INPP4B: variants seen among roughly 807,000 people sequenced by gnomAD.
INPP4B encodes the protein inositol polyphosphate-4-phosphatase type II B, also known as inositol polyphosphate 4-phosphatase type II.
INPP4B carries 55 observed loss-of-function variants against 122.5 expected under a neutral mutation model. The ratio of observed to expected loss-of-function variants is 0.45; its 90% CI spans 0.36 to 0.56. The LOEUF (loss-of-function observed/expected upper bound fraction) is 0.56. Among genes scored for constraint, INPP4B ranks in the 20% least tolerant of loss-of-function variants. The pLI, the probability that INPP4B is intolerant of heterozygous loss-of-function variation, is 0.00. For synonymous variants in INPP4B, 403 were observed against 388.7 expected (o/e 1.04, Z -0.43); for missense variants, 1,000 against 1,097.7 (o/e 0.91, Z 1.26).
rs558922276 is a variant in INPP4B, at chr4:142,814,734, AT to A, written c.-254+31474del. ...TTATAACCCAAAGCATAAAATAAAT[AT>A]CCATGAGTCCATAGTGATATAAATA... On this transcript the variant is annotated intron_variant, in intron 1 of 25. Coordinates refer to ENST00000262992, the MANE Select transcript of INPP4B (RefSeq NM_001101669.3). 2.0e-5 allele frequency among the ~76,000 whole-genome samples: 3 copies of A among 152,308 alleles called. No individual in the cohort carries two copies. The East Asian group carries it at 5.8e-4, about 29-fold the overall frequency.
chr4:142,504,345 C>A (rs1019658386), intron 2 of INPP4B, among the ~76,000 whole-genome samples: 2 of 151,882 alleles, frequency 1.3e-5, no homozygotes, highest in Non-Finnish European at 2.9e-5. Context: ...TAAAAAAGCT[C>A]TAACACCAAA....
intron 3 of INPP4B, among the ~76,000 whole-genome samples, chr4:142,441,071 T>C (rs1417316654): frequency 6.6e-6 from 1 of 152,002 alleles, no homozygotes; most frequent in African/African-American, 2.4e-5. Context: ...CTAGAGAGAA[T>C]AAGCTTAATT....
chr4:142,169,148 T>A (rs2152934439), intron 16 of INPP4B, among the ~76,000 whole-genome samples: 1 of 151,768 alleles, frequency 6.6e-6, no homozygotes, highest in Admixed American at 6.6e-5. Context: ...TTTTTCTTAT[T>A]GTACAATTTT....
chr4:142,545,735 A>ATG (rs1491415711), intron 2 of INPP4B, among the ~76,000 whole-genome samples: 5,348 of 80,046 alleles, frequency 0.067, 284 homozygotes, highest in Non-Finnish European at 0.076. Flanking sequence ...GTATATACAC[A>ATG]TATATGTGTA....
At chr4:142,039,314 A>G (rs1244002415) in intron 25 of INPP4B, among the ~76,000 whole-genome samples, 6 of 152,220 alleles carry the variant, frequency 3.9e-5, no homozygotes, top group African/African-American at 1.2e-4. Flanking sequence ...TTCAACTTCA[A>G]TATTGAAAAT....
chr4:142,340,550 G>A (rs1778355883), intron 7 of INPP4B, among the ~76,000 whole-genome samples: 1 of 152,082 alleles, frequency 6.6e-6, no homozygotes, highest in South Asian at 2.1e-4. Flanking sequence ...CAGGACTATA[G>A]ATGTGTGCCA....
chr4:142,410,876 A>G (rs1414932404), intron 5 of INPP4B, among the ~76,000 whole-genome samples: 2 of 152,242 alleles, frequency 1.3e-5, no homozygotes, highest in South Asian at 2.1e-4. Flanking sequence ...ATATTTTTAT[A>G]CTAATCATAT....
intron 7 of INPP4B, among the ~76,000 whole-genome samples, chr4:142,352,456 G>C (rs551361716): frequency 6.6e-6 from 1 of 151,672 alleles, no homozygotes; most frequent in South Asian, 2.1e-4. Context: ...TCTGTATGAT[G>C]TGAAAATGAT....
At position 142,628,706 on chromosome 4, in the gene INPP4B, C is replaced by T. The variant is rs529136610; in HGVS notation, c.-191+97133G>A. On this transcript the variant is annotated intron_variant, in intron 2 of 25. Transcript: ENST00000262992. ...TTTATAGACATTTCATAAGATATGG[C>T]CCCACAATATTACAGAATTCCTAAT... 2.6e-5 allele frequency among the ~76,000 whole-genome samples: 4 copies of T among 151,892 alleles called. No homozygotes were observed. In the South Asian group the frequency reaches 6.2e-4, roughly 24 times the overall value.
At chr4:142,599,758 T>C (rs181963065) in intron 2 of INPP4B, among the ~76,000 whole-genome samples, 1 of 151,786 alleles carries the variant, frequency 6.6e-6, no homozygotes, top group African/African-American at 2.4e-5. Context: ...GATAAAAAAT[T>C]GTGAAAAATA....
chr4:142,608,677 C>G (rs116459491), intron 2 of INPP4B, among the ~76,000 whole-genome samples: 1 of 152,188 alleles, frequency 6.6e-6, no homozygotes, highest in Non-Finnish European at 1.5e-5. Flanking sequence ...TGTACAACAC[C>G]CTCCAAGACT....
intron 2 of INPP4B, among the ~76,000 whole-genome samples, chr4:142,720,809 C>CTCTA (rs1553997412): frequency 1.5e-4 from 2 of 12,952 alleles, no homozygotes; most frequent in African/African-American, 3.8e-4. Flanking sequence ...CTCTCTCTCT[C>CTCTA]TATATATATA....
chr4:142,805,152 A>G (rs1778523848), intron 1 of INPP4B, among the ~76,000 whole-genome samples: 1 of 152,260 alleles, frequency 6.6e-6, no homozygotes. Context: ...TGACAAATAA[A>G]TACATATTCT....
chr4:142,781,902 A>G (rs1440667383), intron 1 of INPP4B, among the ~76,000 whole-genome samples: 2 of 152,094 alleles, frequency 1.3e-5, no homozygotes, highest in Non-Finnish European at 2.9e-5. Flanking sequence ...CCATTGCTTT[A>G]CTTACTGGTC....
intron 1 of INPP4B, among the ~76,000 whole-genome samples, chr4:142,739,621 C>A (rs895604386): frequency 6.6e-6 from 1 of 151,716 alleles, no homozygotes; most frequent in African/African-American, 2.4e-5. Flanking sequence ...CAGAAGCACC[C>A]CACGCATCCC....
chr4:142,807,956 G>T (rs755474768), intron 1 of INPP4B, among the ~76,000 whole-genome samples: 1 of 152,080 alleles, frequency 6.6e-6, no homozygotes, highest in African/African-American at 2.4e-5. Flanking sequence ...AGGTACCACA[G>T]GTGGTGTTTT....
intron 21 of INPP4B, among the ~76,000 whole-genome samples, chr4:142,120,681 G>C (rs562346339): frequency 6.6e-6 from 1 of 152,202 alleles, no homozygotes; most frequent in East Asian, 1.9e-4. Context: ...TGTTAGTGAA[G>C]CTGCTGGTGT....
rs185536257 is a variant in INPP4B, at chr4:142,678,551, A to G, written c.-191+47288T>C. Among the ~76,000 whole-genome samples the G allele has an allele frequency of 2.5e-4, 38 of 151,984 alleles. 1 individual carries two copies. Among genetic ancestry groups the G allele is most frequent in the African/African-American group, 8.9e-4 (37 of 41,482 alleles). On this transcript the variant is annotated intron_variant, in intron 2 of 25. Transcript: ENST00000262992. Reference sequence around the variant, plus strand: ...ATCCCTTAGGTTTATTTTGGCTCTGAAAGACTATGATTCTATGATACACTG... The same window carrying G: ...ATCCCTTAGGTTTATTTTGGCTCTGGAAGACTATGATTCTATGATACACTG...
intron 2 of INPP4B, among the ~76,000 whole-genome samples, chr4:142,490,945 A>C (rs932232889): frequency 6.6e-6 from 1 of 152,108 alleles, no homozygotes; most frequent in African/African-American, 2.4e-5. Context: ...GTATATATAC[A>C]TTTTCTTTAC....
Sources: gnomAD v4.1 joint callset for allele counts (sites outside exome capture counted in the v4.1 genomes callset) on GRCh38, gnomAD v4.1.1 for gene constraint, MANE v1.5 for transcripts, NCBI Gene and HGNC (gene_info 2026-07-23, HGNC 2026-07-21) for gene names.